NPTXR: variants seen among roughly 807,000 people sequenced by gnomAD.
NPTXR encodes neuronal pentraxin receptor.
A neutral mutation model predicts 32.2 loss-of-function variants in NPTXR; 12 were observed. That is an observed-to-expected ratio of 0.37 (90% CI 0.24 to 0.60). The LOEUF (loss-of-function observed/expected upper bound fraction) is 0.60. Ranked by LOEUF, NPTXR falls within the 20% of genes least tolerant of loss-of-function variation. NPTXR has a pLI of 0.66. For synonymous variants in NPTXR, 323 were observed against 315.8 expected (o/e 1.02, Z -0.24); for missense variants, 612 against 682.9 (o/e 0.90, Z 1.16).
At chr22:38,827,631 C>G (rs2093109378) in intron 2 of NPTXR, among the ~76,000 whole-genome samples, 1 of 152,192 alleles carries the variant, frequency 6.6e-6, no homozygotes, top group Non-Finnish European at 1.5e-5. Context: ...CTGTAAGCCT[C>G]TTAAGGGTGG....
Position 38,822,252 on chromosome 22 carries a change from T to C in NPTXR, c.*357A>G, listed in dbSNP as rs746946300. The C allele has an allele frequency of 3.7e-6, 1 of 272,538 alleles. No homozygotes were observed. Among genetic ancestry groups the C allele is most frequent in the Non-Finnish European group, 7.2e-6 (1 of 139,444 alleles). 16.9% of individuals were successfully genotyped at this position (272,538 alleles called of 1,614,324 possible). On this transcript the variant is annotated 3_prime_UTR_variant, in exon 5 of 5. Transcript: ENST00000333039. ...CGGGCGGCCACCCCCACCACTGAGA[T>C]AGTGGGGTCCCCCTCATACACAATC... is the stretch of plus-strand genomic sequence containing the variant.
At position 38,820,961 on chromosome 22, in the gene NPTXR, C is replaced by A. The variant is rs1373008970; in HGVS notation, c.*1648G>T. 6.6e-6 allele frequency: 1 copy of A among 152,372 alleles called. No individual in the cohort carries two copies. Among genetic ancestry groups the A allele is most frequent in the Non-Finnish European group, 1.5e-5 (1 of 68,214 alleles). 9.4% of individuals were successfully genotyped at this position (152,372 alleles called of 1,614,324 possible). A position where few individuals can be genotyped will look rare whatever the true frequency, so the allele number is the denominator to read the frequency against. On this transcript the variant is annotated 3_prime_UTR_variant, in exon 5 of 5. Transcript: ENST00000333039. ...CCAGGCTGGAGTGCAATGGCGTGATCTCGGCTCACTGCAACCTCCACCTCC... is the reference window on the plus strand; with the variant it reads ...CCAGGCTGGAGTGCAATGGCGTGATATCGGCTCACTGCAACCTCCACCTCC...
intron 3 of NPTXR, among the ~76,000 whole-genome samples, chr22:38,825,389 T>A (rs2093104782): frequency 6.6e-6 from 1 of 152,114 alleles, no homozygotes; most frequent in Non-Finnish European, 1.5e-5. Flanking sequence ...ATAATGAGGG[T>A]ACCTACTTCC....
intron 3 of NPTXR, 91 bp from the exon 4 acceptor site, chr22:38,823,353 G>A: frequency 1.6e-6 from 2 of 1,232,836 alleles, no homozygotes; most frequent in Admixed American, 4.2e-5. Context: ...GGAGACCCAT[G>A]TCCATCCTTC....
At chr22:38,823,332 G>A in intron 3 of NPTXR, 70 bp from the exon 4 acceptor site, 1 of 1,457,858 alleles carries the variant, frequency 6.9e-7, no homozygotes, top group South Asian at 1.2e-5. Flanking sequence ...GAGGCAGTGG[G>A]GTGGGGCTGG....
intron 1 of NPTXR, among the ~76,000 whole-genome samples, chr22:38,829,749 C>T (rs529150558): frequency 8.9e-4 from 135 of 152,322 alleles, no homozygotes; most frequent in Admixed American, 3.0e-3. Context: ...AGAGGGCACC[C>T]CCATTGTGCT....
At chr22:38,838,487 G>A (rs1010448378) in intron 1 of NPTXR, among the ~76,000 whole-genome samples, 2 of 151,936 alleles carry the variant, frequency 1.3e-5, no homozygotes, top group Non-Finnish European at 2.9e-5. Flanking sequence ...AAGCCTTGAG[G>A]ACTGGCCTTC....
chr22:38,826,815 C>T (rs1436371328), intron 2 of NPTXR, 68 bp from the exon 3 acceptor site: 13 of 1,552,604 alleles, frequency 8.4e-6, no homozygotes, highest in Non-Finnish European at 1.0e-5. Flanking sequence ...GGACAGGGCA[C>T]ACTTCAGAAA....
At chr22:38,837,845 T>TTTTTTTTTATTTTA (rs1555883125) in intron 1 of NPTXR, among the ~76,000 whole-genome samples, 1 of 139,898 alleles carries the variant, frequency 7.1e-6, no homozygotes, top group African/African-American at 2.6e-5. Flanking sequence ...TTATTTTTAT[T>TTTTTTTTTATTTTA]TTTTATTTTA....
Position 38,843,486 on chromosome 22 carries a change from GC to G in NPTXR, c.372del (p.Leu125CysfsTer91). ...AGCTGCTCGGCCGTGCTCTGCAGCAGCAGCAGCTCTTCGCGCTCGCCCGGCG... is the reference window on the plus strand; with the variant it reads ...AGCTGCTCGGCCGTGCTCTGCAGCAGAGCAGCTCTTCGCGCTCGCCCGGCG... On this transcript the variant is annotated frameshift_variant, in exon 1 of 5. Coordinates refer to ENST00000333039, the MANE Select transcript of NPTXR (RefSeq NM_014293.4). LOFTEE classifies it high-confidence loss of function. The surrounding 1 kb of genome is among the most constrained non-coding windows in gnomAD (Gnocchi z 5.3). 7.7e-7 allele frequency: 1 copy of G among 1,304,002 alleles called. No homozygotes were observed. The allele number at this position is 1,304,002 out of a possible 1,614,324, so 80.8% of individuals were successfully genotyped here.
Position 38,843,270 on chromosome 22 carries a change from C to T in NPTXR, c.589G>A (p.Val197Met), listed in dbSNP as rs2093134305. 7.0e-7 allele frequency: 1 copy of T among 1,429,246 alleles called. No homozygotes were observed. The highest frequency in any genetic ancestry group is 9.1e-7 in the Non-Finnish European group (1 of 1,097,904). The allele number at this position is 1,429,246 out of a possible 1,614,324, so 88.5% of individuals were successfully genotyped here. A position where few individuals can be genotyped will look rare whatever the true frequency, so the allele number is the denominator to read the frequency against. ...TCGATGCGGTCCCGCAGGGCGCGCA[C>T]GGCGTCCTCCAGCTCCAGAATGAGC... The change falls in exon 1 of 5, where the codon GTG (valine) becomes ATG (methionine). Residue 197 changes from valine (V) to methionine (M), a missense_variant. Transcript: ENST00000333039. This position sits in a 1 kb window ranked among gnomAD's most constrained non-coding sequence, Gnocchi z 5.3.
chr22:38,843,921 G>C lies in NPTXR; in HGVS notation c.-63C>G. 1 of 925,002 alleles carries C rather than the reference G, an allele frequency of 1.1e-6. No homozygotes were observed. Among genetic ancestry groups the C allele is most frequent in the Non-Finnish European group, 1.3e-6 (1 of 777,234 alleles). The allele number at this position is 925,002 out of a possible 1,614,324, so 57.3% of individuals were successfully genotyped here. On this transcript the variant is annotated 5_prime_UTR_variant, in exon 1 of 5. Coordinates refer to ENST00000333039, the MANE Select transcript of NPTXR (RefSeq NM_014293.4). The surrounding 1 kb of genome is among the most constrained non-coding windows in gnomAD (Gnocchi z 5.3). ...AGGCGCGGCGGCGGGGTCGGGGCGC[G>C]GAGCCCGGGCGCGCTGGGCCGAGCG... is the stretch of plus-strand genomic sequence containing the variant.
intron 1 of NPTXR, among the ~76,000 whole-genome samples, chr22:38,839,424 C>T (rs534291485): frequency 6.6e-6 from 1 of 152,182 alleles, no homozygotes; most frequent in South Asian, 2.1e-4. Flanking sequence ...GTGGGCGGAT[C>T]ACCTGAGGTC....
At chr22:38,840,368 G>C (rs967775006) in intron 1 of NPTXR, among the ~76,000 whole-genome samples, 2 of 152,220 alleles carry the variant, frequency 1.3e-5, no homozygotes, top group Non-Finnish European at 2.9e-5. Context: ...GTCAGGAGCG[G>C]GGGCCAGATC....
intron 1 of NPTXR, among the ~76,000 whole-genome samples, chr22:38,841,795 C>T (rs1360683987): frequency 1.3e-5 from 2 of 152,190 alleles, no homozygotes; most frequent in Admixed American, 6.5e-5. Context: ...ATTTTACAGG[C>T]GAGAAAACTA....
chr22:38,841,480 G>A (rs1603246937), intron 1 of NPTXR, among the ~76,000 whole-genome samples: 2 of 152,388 alleles, frequency 1.3e-5, no homozygotes, highest in South Asian at 4.1e-4. Flanking sequence ...AGCCCCAGAC[G>A]TGGGAGGAGC....
chr22:38,828,387 C>T lies in NPTXR; in HGVS notation c.750G>A (p.Glu250=), dbSNP rs751097640. Residue 250 remains glutamate (E), a synonymous_variant, in exon 2 of 5, where the codon GAG becomes GAA. Coordinates refer to ENST00000333039, the MANE Select transcript of NPTXR (RefSeq NM_014293.4). ...TGTGGCTGAGGGCCACACGCTCCTTCTCCAGTGCCAGCACCTGGGCCAGCA... is the reference window on the plus strand; with the variant it reads ...TGTGGCTGAGGGCCACACGCTCCTTTTCCAGTGCCAGCACCTGGGCCAGCA... 2.5e-6 allele frequency: 4 copies of T among 1,612,882 alleles called. No homozygotes were observed. The Admixed American group carries it at 6.7e-5, about 27-fold the overall frequency.
In NPTXR at chr22:38,823,118, T is replaced by C; in HGVS notation, c.1243A>G (p.Lys415Glu). The C allele has an allele frequency of 6.2e-7, 1 of 1,614,130 alleles. No homozygotes were observed. Among genetic ancestry groups the C allele is most frequent in the Non-Finnish European group, 8.5e-7 (1 of 1,180,016 alleles). ...CCCAAGATAAGGATCCCATGAGGCT[T>C]GATGGGGTGCCAGGCAGCCAGGTTC... The change falls in exon 4 of 5, where the codon AAG becomes GAG. Residue 415 changes from lysine to glutamate, a missense_variant. Transcript: ENST00000333039.
chr22:38,823,236 C>T lies in NPTXR; in HGVS notation c.1125G>A (p.Lys375=). The change falls in exon 4 of 5, where the codon AAG becomes AAA. Residue 375 remains lysine, a synonymous_variant. Transcript: ENST00000333039. ...TGCAGATGTGGTGCCAGCCATTGTC[C>T]TTCAGGCTCAGGGGCAGCTGGGCCA... The T allele has an allele frequency of 6.2e-7, 1 of 1,613,136 alleles. No homozygotes were observed. The highest frequency in any genetic ancestry group is 1.1e-5 in the South Asian group (1 of 91,086).
Sources: gnomAD v4.1 joint callset for allele counts (sites outside exome capture counted in the v4.1 genomes callset) on GRCh38, gnomAD v4.1.1 for gene constraint, Gnocchi (gnomAD v3.1) non-coding constraint, MANE v1.5 for transcripts, NCBI Gene and HGNC (gene_info 2026-07-23, HGNC 2026-07-21) for gene names.